The following MYO5B variants were observed in gnomAD, a reference collection of about 807,000 sequenced individuals.
MYO5B encodes the protein unconventional myosin-Vb.
Under a neutral mutation model 229.3 loss-of-function variants are expected in MYO5B, and 143 were observed. The observed-to-expected ratio is 0.62, with a 90% CI of 0.54 to 0.72. MYO5B has a LOEUF of 0.72. MYO5B is among the 30% of genes least tolerant of loss of function. The pLI is 0.00. For synonymous variants in MYO5B, 918 were observed against 885.2 expected, an observed-to-expected ratio of 1.04 and a Z score of -0.66; for missense variants, 2,321 against 2,331.0, an observed-to-expected ratio of 1.00 and a Z score of 0.09.
chr18:49,932,691 A>C (rs71357210), intron 16 of MYO5B, among the ~76,000 whole-genome samples: 14,636 of 152,238 alleles, frequency 0.096, 846 homozygotes, highest in Middle Eastern at 0.21. Context: ...ACAAACAAAA[A>C]AACAAGAAGA....
intron 17 of MYO5B, among the ~76,000 whole-genome samples, chr18:49,916,286 G>T (rs543295326): frequency 6.6e-6 from 1 of 152,336 alleles, no homozygotes; most frequent in South Asian, 2.1e-4. Context: ...AGGAGCTGTG[G>T]CTGCAAAGAC....
intron 1 of MYO5B, among the ~76,000 whole-genome samples, chr18:50,165,781 G>T (rs1359487222): frequency 7.3e-6 from 1 of 136,522 alleles, no homozygotes; most frequent in East Asian, 2.2e-4. Context: ...CCGTCTGAAA[G>T]AAAAAAAGGA....
At chr18:49,883,604 T>C (rs2024611912) in intron 22 of MYO5B, among the ~76,000 whole-genome samples, 1 of 149,990 alleles carries the variant, frequency 6.7e-6, no homozygotes, top group African/African-American at 2.5e-5. Context: ...CTGCATGGCT[T>C]CTCTGCAGAA....
intron 16 of MYO5B, among the ~76,000 whole-genome samples, chr18:49,935,860 C>T (rs1341620256): frequency 6.6e-6 from 1 of 152,214 alleles, no homozygotes; most frequent in Non-Finnish European, 1.5e-5. Flanking sequence ...CATGTCCTAT[C>T]GTCCAACACA....
At chr18:50,093,803 C>T (rs2031497901) in intron 1 of MYO5B, among the ~76,000 whole-genome samples, 1 of 152,098 alleles carries the variant, frequency 6.6e-6, no homozygotes, top group South Asian at 2.1e-4. Flanking sequence ...AAAGACACTC[C>T]CACCAGTGCC....
intron 14 of MYO5B, among the ~76,000 whole-genome samples, chr18:49,950,818 T>C (rs1598906295): frequency 6.6e-6 from 1 of 152,268 alleles, no homozygotes; most frequent in East Asian, 1.9e-4. Flanking sequence ...AATATTCTTG[T>C]ATAGAAAAGA....
chr18:50,084,192 T>G (rs1490840429), intron 1 of MYO5B, among the ~76,000 whole-genome samples: 1 of 152,238 alleles, frequency 6.6e-6, no homozygotes, highest in African/African-American at 2.4e-5. Context: ...TCTGTGCTCC[T>G]TTAACCCTTT....
chr18:50,048,642 G>A (rs1381399916), intron 2 of MYO5B, among the ~76,000 whole-genome samples: 3 of 152,160 alleles, frequency 2.0e-5, no homozygotes, highest in South Asian at 4.1e-4. Flanking sequence ...GAACCATGGC[G>A]AAGCATGAAG....
Position 49,929,577 on chromosome 18 carries a change from C to T in MYO5B, c.2025G>A (p.Val675=). The T allele has an allele frequency of 6.2e-7, 1 of 1,601,166 alleles. No homozygotes were observed. Among genetic ancestry groups the T allele is most frequent in the Non-Finnish European group, 8.5e-7 (1 of 1,177,280 alleles). The change falls in exon 17 of 40, where the codon GTG becomes GTA. Residue 675 remains valine, a synonymous_variant. Transcript: ENST00000285039. Reference sequence around the variant, plus strand: ...ACACCCCGCAGGCTCTGAGTTGCTGCACTGCTCTCTTTGGGTCAAAGCTGC... The same window carrying T: ...ACACCCCGCAGGCTCTGAGTTGCTGTACTGCTCTCTTTGGGTCAAAGCTGC... ...LPFHFDPKRA[V]QQLRACGVLE...
At chr18:50,059,088 A>T (rs2144424356) in intron 1 of MYO5B, among the ~76,000 whole-genome samples, 1 of 152,130 alleles carries the variant, frequency 6.6e-6, no homozygotes. Context: ...CATCAGTTTC[A>T]CCTCATTACA....
At chr18:50,116,544 C>T (rs1679014281) in intron 1 of MYO5B, among the ~76,000 whole-genome samples, 1 of 151,888 alleles carries the variant, frequency 6.6e-6, no homozygotes, top group South Asian at 2.1e-4. Flanking sequence ...GAAAAAAAAA[C>T]CTGCTGCATC....
intron 1 of MYO5B, among the ~76,000 whole-genome samples, chr18:50,057,687 G>C (rs151260257): frequency 6.6e-6 from 1 of 152,092 alleles, no homozygotes. Context: ...CACCTGGTAG[G>C]CATACAATTG....
chr18:50,067,400 C>T (rs927176623), intron 1 of MYO5B, among the ~76,000 whole-genome samples: 6 of 152,192 alleles, frequency 3.9e-5, no homozygotes, highest in African/African-American at 1.2e-4. Context: ...TGTACACACC[C>T]ATCAGATGAG....
chr18:50,097,392 G>A (rs1285091026), intron 1 of MYO5B: 2 of 409,514 alleles, frequency 4.9e-6, no homozygotes, highest in Non-Finnish European at 1.0e-5. Flanking sequence ...TCCATCAAAA[G>A]TCCTCAATAA....
At chr18:50,033,601 G>A (rs1205056805) in intron 4 of MYO5B, among the ~76,000 whole-genome samples, 1 of 152,142 alleles carries the variant, frequency 6.6e-6, no homozygotes. Flanking sequence ...CCTGAGGTTG[G>A]AGCTGAGGAA....
At chr18:49,875,622 G>A in intron 26 of MYO5B, 65 bp downstream of exon 26, 4 of 1,606,144 alleles carry the variant, frequency 2.5e-6, no homozygotes, top group Non-Finnish European at 3.4e-6. Flanking sequence ...CATGAGCCCT[G>A]GACACAAGAG....
intron 1 of MYO5B, among the ~76,000 whole-genome samples, chr18:50,189,128 A>C (rs10163781): frequency 0.54 from 82,010 of 151,950 alleles, 22,313 homozygotes; most frequent in Admixed American, 0.62. Context: ...TCCTGGGACC[A>C]TAGAGGGGCC....
In MYO5B at chr18:49,934,436, A is replaced by G. The variant is rs191257623; in HGVS notation, c.2003+1816T>C. Among the ~76,000 whole-genome samples the G allele has an allele frequency of 1.1e-4, 17 of 152,338 alleles. No homozygotes were observed. The East Asian group carries it at 3.1e-3, about 28-fold the overall frequency. The stretch of plus-strand genomic sequence containing the variant: ...TAGAAAAGTGGGACCTCAGGACTAG[A>G]AAGTCCCCAGTGTCTTCTCTCCTTT... On this transcript the variant is annotated intron_variant, in intron 16 of 39. Coordinates refer to ENST00000285039, the MANE Select transcript of MYO5B (RefSeq NM_001080467.3).
At chr18:49,965,260 T>C (rs2025609643) in intron 10 of MYO5B, among the ~76,000 whole-genome samples, 1 of 152,098 alleles carries the variant, frequency 6.6e-6, no homozygotes, top group Non-Finnish European at 1.5e-5. Context: ...AGGATGGATG[T>C]GGTCACACTC....
Sources: allele counts gnomAD v4.1 joint callset (sites outside exome capture counted in the v4.1 genomes callset), GRCh38; gene constraint gnomAD v4.1.1; transcripts MANE v1.5; gene names NCBI Gene and HGNC (gene_info 2026-07-23, HGNC 2026-07-21).